The following CSTPP1 variants were observed in gnomAD, a reference collection of about 807,000 sequenced individuals.
The protein encoded by CSTPP1 is centriolar satellite-associated tubulin polyglutamylase complex regulator 1.
chr11:47,110,776 A>T, the CSTPP1 span, among the ~76,000 whole-genome samples: 1 of 152,010 alleles, frequency 6.6e-6, no homozygotes, highest in African/African-American at 2.4e-5. Flanking sequence ...TCCCAAAAAG[A>T]CTGCATTCCT....
chr11:47,097,066 C>G, the CSTPP1 span, among the ~76,000 whole-genome samples: 3 of 151,250 alleles, frequency 2.0e-5, no homozygotes, highest in East Asian at 2.0e-4. Flanking sequence ...GTCAGCCCCC[C>G]CACCCGGCCA....
At chr11:47,154,894 C>T in the CSTPP1 span, 5 of 512,248 alleles carry the variant, frequency 9.8e-6, no homozygotes, top group Admixed American at 6.4e-5. Flanking sequence ...CATCCGCTAG[C>T]TGGTGCCACT....
chr11:47,052,593 C>A, the CSTPP1 span: 1 of 1,522,710 alleles, frequency 6.6e-7, no homozygotes, highest in Non-Finnish European at 8.9e-7. Flanking sequence ...CTCTCTCTCT[C>A]TTTCTTTCTC....
the CSTPP1 span, among the ~76,000 whole-genome samples, chr11:46,968,060 C>G: frequency 6.6e-6 from 1 of 151,102 alleles, no homozygotes; most frequent in Admixed American, 6.6e-5. Flanking sequence ...AGGGTCAGAA[C>G]AGAGGAGACT....
chr11:46,940,990 G>A, the CSTPP1 span, among the ~76,000 whole-genome samples: 1 of 152,126 alleles, frequency 6.6e-6, no homozygotes, highest in Non-Finnish European at 1.5e-5. Flanking sequence ...TTTTCAGGAA[G>A]GCCAATTCAG....
the CSTPP1 span, among the ~76,000 whole-genome samples, chr11:47,072,603 C>T: frequency 6.6e-6 from 1 of 152,056 alleles, no homozygotes; most frequent in Non-Finnish European, 1.5e-5. Flanking sequence ...ATGAGTAGTC[C>T]ACAAAAGTGT....
At chr11:46,967,240 T>C in the CSTPP1 span, among the ~76,000 whole-genome samples, 1 of 152,224 alleles carries the variant, frequency 6.6e-6, no homozygotes, top group Admixed American at 6.5e-5. Flanking sequence ...ATTTTTCTAA[T>C]GGTGTGAGGA....
the CSTPP1 span, among the ~76,000 whole-genome samples, chr11:46,992,079 A>G: frequency 1.1e-3 from 173 of 152,290 alleles, no homozygotes; most frequent in African/African-American, 3.7e-3. Context: ...GGTACTTGGC[A>G]TGATGCTTTG....
chr11:46,938,486 A>G, the CSTPP1 span, among the ~76,000 whole-genome samples: 2 of 147,328 alleles, frequency 1.4e-5, no homozygotes, highest in Admixed American at 7.0e-5. Flanking sequence ...ATCATACAGA[A>G]TAGTTTCACT....
chr11:47,157,000 C>T, the CSTPP1 span: 2 of 1,613,024 alleles, frequency 1.2e-6, no homozygotes, highest in South Asian at 2.2e-5. Flanking sequence ...TCCACACCCA[C>T]ACCCCCACCC....
At chr11:47,077,747 T>C in the CSTPP1 span, among the ~76,000 whole-genome samples, 2 of 152,240 alleles carry the variant, frequency 1.3e-5, no homozygotes, top group African/African-American at 2.4e-5. Context: ...CAGATTGAAG[T>C]AGCAGGACAG....
At chr11:46,961,906 GA>G in the CSTPP1 span, among the ~76,000 whole-genome samples, 2 of 152,156 alleles carry the variant, frequency 1.3e-5, no homozygotes, top group Admixed American at 1.3e-4. Flanking sequence ...ATTTATAAAG[GA>G]AAAAGGTTTA....
chr11:47,100,201 A>T, the CSTPP1 span, among the ~76,000 whole-genome samples: 2 of 152,336 alleles, frequency 1.3e-5, no homozygotes, highest in African/African-American at 4.8e-5. Flanking sequence ...CAAGATATGA[A>T]GATTTTTTTT....
At chr11:47,011,393 T>C in the CSTPP1 span, among the ~76,000 whole-genome samples, 1 of 152,194 alleles carries the variant, frequency 6.6e-6, no homozygotes, top group African/African-American at 2.4e-5. Context: ...TCTTATTTGC[T>C]CTTGTTGAGT....
chr11:47,139,367 T>C, the CSTPP1 span, among the ~76,000 whole-genome samples: 1 of 152,096 alleles, frequency 6.6e-6, no homozygotes, highest in Non-Finnish European at 1.5e-5. Flanking sequence ...AGGGTTGCGG[T>C]TGGAGACCAG....
the CSTPP1 span, among the ~76,000 whole-genome samples, chr11:47,066,061 A>C: frequency 2.1e-4 from 22 of 107,232 alleles, no homozygotes; most frequent in African/African-American, 5.2e-4. Flanking sequence ...AGGTTATTTT[A>C]TTTCTTTCTT....
the CSTPP1 span, among the ~76,000 whole-genome samples, chr11:47,054,932 T>C: frequency 1.6e-5 from 1 of 61,236 alleles, no homozygotes; most frequent in Non-Finnish European, 3.1e-5. Flanking sequence ...ATTTCAATTT[T>C]TTTTTTTTTT....
the CSTPP1 span, among the ~76,000 whole-genome samples, chr11:46,988,606 A>T: frequency 4.3e-5 from 1 of 22,990 alleles, no homozygotes; most frequent in African/African-American, 1.9e-4. Flanking sequence ...GGGATGGTTG[A>T]TGGTTACAAA....
chr11:46,948,186 A>T, the CSTPP1 span: 21 of 455,978 alleles, frequency 4.6e-5, no homozygotes, highest in African/African-American at 4.0e-4. Context: ...ACACACAAAG[A>T]AGTTCAGCCC....
Sources: allele counts gnomAD v4.1 joint callset (sites outside exome capture counted in the v4.1 genomes callset), GRCh38; gene constraint gnomAD v4.1.1; transcripts MANE v1.5; gene names NCBI Gene and HGNC (gene_info 2026-07-23, HGNC 2026-07-21).